ADAMTS19: variants seen among roughly 807,000 people sequenced by gnomAD.
ADAMTS19 encodes ADAM metallopeptidase with thrombospondin type 1 motif 19, also known as A disintegrin and metalloproteinase with thrombospondin motifs 19.
In ADAMTS19, 93 loss-of-function variants were observed where a neutral mutation model predicts 153.3. That is an observed-to-expected ratio of 0.61 (90% CI 0.51 to 0.72). The LOEUF (loss-of-function observed/expected upper bound fraction) is 0.72, where lower values mean the gene tolerates loss of function less well. Among genes scored for constraint, ADAMTS19 ranks in the 30% least tolerant of loss-of-function variants. The pLI, the probability that ADAMTS19 is intolerant of heterozygous loss-of-function variation, is 0.00. For synonymous variants in ADAMTS19, 600 were observed against 556.6 expected, an observed-to-expected ratio of 1.08 and a Z score of -1.10; for missense variants, 1,482 against 1,552.1, an observed-to-expected ratio of 0.95 and a Z score of 0.76.
At chr5:129,642,669 A>T (rs1752846056) in intron 11 of ADAMTS19, among the ~76,000 whole-genome samples, 1 of 152,208 alleles carries the variant, frequency 6.6e-6, no homozygotes, top group Non-Finnish European at 1.5e-5. Flanking sequence ...CACTGTACTC[A>T]ATTGTTAAGA....
intron 8 of ADAMTS19, among the ~76,000 whole-genome samples, chr5:129,606,837 G>A (rs62399018): frequency 0.061 from 9,200 of 152,064 alleles, 411 homozygotes; most frequent in Non-Finnish European, 0.087. Flanking sequence ...CCTGTTAATG[G>A]CCACAACAAA....
intron 7 of ADAMTS19, among the ~76,000 whole-genome samples, chr5:129,594,753 G>T (rs1318065692): frequency 2.0e-5 from 3 of 151,688 alleles, no homozygotes; most frequent in East Asian, 3.9e-4. Context: ...TTGTTTAATA[G>T]AACTATAATA....
intron 13 of ADAMTS19, among the ~76,000 whole-genome samples, chr5:129,651,888 C>A (rs915671857): frequency 6.6e-6 from 1 of 152,116 alleles, no homozygotes. Context: ...TGACTGTTCA[C>A]ATCATGAAAA....
chr5:129,681,183 T>A (rs1455080092), intron 17 of ADAMTS19, among the ~76,000 whole-genome samples: 1 of 152,224 alleles, frequency 6.6e-6, no homozygotes, highest in East Asian at 1.9e-4. Context: ...CTTCTACTAC[T>A]TTAGTGTGCC....
In ADAMTS19 at chr5:129,644,581, CA is replaced by C. The variant is rs544344509; in HGVS notation, c.1872+2624del. On this transcript the variant is annotated intron_variant, in intron 11 of 22. Transcript: ENST00000274487. ...TATACTCTTTATGGACAGCATAATG[CA>C]AATTGAAAACAACTTGTTTTCTTCT... is the stretch of plus-strand genomic sequence containing the variant. Among the ~76,000 whole-genome samples, 664 of 152,196 alleles carry C rather than the reference CA, an allele frequency of 4.4e-3. 5 individuals are homozygous for C. Among genetic ancestry groups the C allele is most frequent in the Middle Eastern group, 0.01 (3 of 294 alleles).
intron 8 of ADAMTS19, among the ~76,000 whole-genome samples, chr5:129,616,584 G>A (rs1488311417): frequency 6.6e-6 from 1 of 151,974 alleles, no homozygotes; most frequent in Non-Finnish European, 1.5e-5. Flanking sequence ...TCCTGGCAAA[G>A]ATTTTTAAAC....
At chr5:129,735,563 A>G (rs1757630397) in intron 22 of ADAMTS19, among the ~76,000 whole-genome samples, 1 of 136,596 alleles carries the variant, frequency 7.3e-6, no homozygotes. Context: ...GAATGGGTGC[A>G]TGGATCTACA....
intron 7 of ADAMTS19, among the ~76,000 whole-genome samples, chr5:129,557,814 C>A (rs1354745362): frequency 6.6e-6 from 1 of 150,884 alleles, no homozygotes; most frequent in Admixed American, 6.6e-5. Flanking sequence ...ATAAGCCCTT[C>A]TTTATTAGGA....
intron 2 of ADAMTS19, among the ~76,000 whole-genome samples, chr5:129,471,273 G>A (rs531808651): frequency 1.3e-5 from 2 of 152,240 alleles, no homozygotes; most frequent in East Asian, 3.9e-4. Context: ...GGTTAAGGTG[G>A]GAGGATCACC....
intron 10 of ADAMTS19, among the ~76,000 whole-genome samples, chr5:129,641,312 T>C (rs963044890): frequency 2.6e-5 from 4 of 152,212 alleles, no homozygotes; most frequent in African/African-American, 7.2e-5. Context: ...AATGTAAAAA[T>C]CCTTCATACT....
chr5:129,517,796 G>T (rs888679291), intron 3 of ADAMTS19, among the ~76,000 whole-genome samples: 5 of 151,758 alleles, frequency 3.3e-5, no homozygotes, highest in African/African-American at 4.8e-5. Context: ...TGTTATTATT[G>T]ATAAGTAAGG....
chr5:129,610,737 C>A (rs1252789076), intron 8 of ADAMTS19, among the ~76,000 whole-genome samples: 1 of 152,034 alleles, frequency 6.6e-6, no homozygotes, highest in Non-Finnish European at 1.5e-5. Context: ...GTGAATAGTG[C>A]CGCAATAAAC....
chr5:129,666,312 T>C (rs906389834), intron 16 of ADAMTS19, among the ~76,000 whole-genome samples: 4 of 152,216 alleles, frequency 2.6e-5, no homozygotes, highest in African/African-American at 7.2e-5. Context: ...CATCCAGAGA[T>C]AGAGGGACCT....
chr5:129,636,301 A>G (rs866919307), intron 10 of ADAMTS19, among the ~76,000 whole-genome samples: 51 of 152,324 alleles, frequency 3.3e-4, no homozygotes, highest in African/African-American at 1.2e-3. Context: ...TGATACCTAC[A>G]AGAGGGTTGG....
chr5:129,476,534 C>G (rs866263098), intron 2 of ADAMTS19, among the ~76,000 whole-genome samples: 3 of 152,258 alleles, frequency 2.0e-5, no homozygotes, highest in Middle Eastern at 3.4e-3. Context: ...CACAAACATT[C>G]AGAGTTATTC....
chr5:129,496,071 A>G (rs1432540520), intron 2 of ADAMTS19, among the ~76,000 whole-genome samples: 3 of 152,140 alleles, frequency 2.0e-5, no homozygotes, highest in Non-Finnish European at 4.4e-5. Context: ...CAGGCCATGA[A>G]AGAAAGAATT....
At chr5:129,584,374 C>T (rs759695388) in intron 7 of ADAMTS19, among the ~76,000 whole-genome samples, 4 of 152,196 alleles carry the variant, frequency 2.6e-5, no homozygotes, top group Non-Finnish European at 4.4e-5. Flanking sequence ...GCACGGGGGT[C>T]AGGGACCCAC....
chr5:129,658,327 AAG>A lies in ADAMTS19; in HGVS notation c.2305-288_2305-287del, dbSNP rs139826375. ...AGAAAGAAAAAGAAAGAAAGAAAGA[AAG>A]AAAGAAAGAAAGAAAGAAAGAAAGA... On this transcript the variant is annotated intron_variant, in intron 14 of 22. Coordinates refer to ENST00000274487, the MANE Select transcript of ADAMTS19 (RefSeq NM_133638.6). Among the ~76,000 whole-genome samples the A allele has an allele frequency of 9.6e-3, 1,122 of 116,830 alleles. 19 individuals carry two copies. The highest frequency in any genetic ancestry group is 0.038 in the African/African-American group (874 of 23,054). The allele number at this position is 116,830 out of a possible 152,430, so 76.6% of individuals were successfully genotyped here.
intron 10 of ADAMTS19, among the ~76,000 whole-genome samples, chr5:129,625,575 T>C (rs1372951317): frequency 6.6e-6 from 1 of 152,098 alleles, no homozygotes; most frequent in African/African-American, 2.4e-5. Context: ...ATTTTGTTTT[T>C]CATTTCTCTG....
Sources: gnomAD v4.1 joint callset for allele counts (sites outside exome capture counted in the v4.1 genomes callset) on GRCh38, gnomAD v4.1.1 for gene constraint, MANE v1.5 for transcripts, NCBI Gene and HGNC (gene_info 2026-07-23, HGNC 2026-07-21) for gene names.